The following NAALADL2 variants were observed in gnomAD, a reference collection of about 807,000 sequenced individuals.
NAALADL2 encodes N-acetylated alpha-linked acidic dipeptidase like 2.
In NAALADL2, 76 loss-of-function variants were observed where a neutral mutation model predicts 87.2. The observed-to-expected ratio is 0.87, with a 90% confidence interval of 0.72 to 1.05. The LOEUF is 1.05. Among genes scored for constraint, NAALADL2 ranks in the 50% least tolerant of loss-of-function variants. The probability of loss-of-function intolerance (pLI) is 0.00; values close to 1 mark genes in which losing one functional copy is unlikely to be tolerated. For synonymous variants in NAALADL2, 354 were observed against 331.0 expected (o/e 1.07, Z -0.75); for missense variants, 1,089 against 945.8 (o/e 1.15, Z -1.99).
intron 1 of NAALADL2, among the ~76,000 whole-genome samples, chr3:174,526,908 C>A (rs1306646776): frequency 6.6e-6 from 1 of 151,988 alleles, no homozygotes; most frequent in East Asian, 1.9e-4. Context: ...AACTCCTGAC[C>A]TTAAGTGATC....
At chr3:175,208,552 C>G (rs1741298309) in intron 2 of NAALADL2, among the ~76,000 whole-genome samples, 1 of 152,112 alleles carries the variant, frequency 6.6e-6, no homozygotes, top group African/African-American at 2.4e-5. Flanking sequence ...CTCGATGAGT[C>G]AACTCTGTTA....
chr3:175,201,344 C>T (rs1739994384), intron 2 of NAALADL2, among the ~76,000 whole-genome samples: 1 of 152,088 alleles, frequency 6.6e-6, no homozygotes, highest in South Asian at 2.1e-4. Context: ...GTTATATAAG[C>T]CTTCCCACCC....
chr3:175,223,556 A>G (rs1308083889), intron 2 of NAALADL2, among the ~76,000 whole-genome samples: 1 of 152,110 alleles, frequency 6.6e-6, no homozygotes, highest in Non-Finnish European at 1.5e-5. Flanking sequence ...GGTTGTTTTC[A>G]TATCTTGACT....
intron 9 of NAALADL2, among the ~76,000 whole-genome samples, chr3:175,503,136 T>C (rs187634026): frequency 3.3e-5 from 5 of 152,220 alleles, no homozygotes; most frequent in Admixed American, 3.3e-4. Flanking sequence ...TGTTTGTTCA[T>C]ATGTACTTGA....
At chr3:175,332,781 G>T (rs1761546475) in intron 5 of NAALADL2, among the ~76,000 whole-genome samples, 1 of 152,130 alleles carries the variant, frequency 6.6e-6, no homozygotes, top group South Asian at 2.1e-4. Flanking sequence ...TCCAATGTTT[G>T]TTCATTTTCT....
chr3:175,197,569 T>C (rs2109107188), intron 2 of NAALADL2, among the ~76,000 whole-genome samples: 1 of 152,160 alleles, frequency 6.6e-6, no homozygotes, highest in South Asian at 2.1e-4. Context: ...GGTTGAGAAC[T>C]TCGAGGCACA....
intron 11 of NAALADL2, among the ~76,000 whole-genome samples, chr3:175,630,299 A>G (rs567125893): frequency 6.6e-6 from 1 of 151,892 alleles, no homozygotes; most frequent in Non-Finnish European, 1.5e-5. Flanking sequence ...TTTTAGTTCT[A>G]TCTTGGCTAC....
chr3:175,743,062 G>A (rs541195633), intron 12 of NAALADL2, among the ~76,000 whole-genome samples: 31 of 151,592 alleles, frequency 2.0e-4, no homozygotes, highest in Admixed American at 1.3e-3. Flanking sequence ...GTGGTGCTGC[G>A]CGATCTCCGC....
chr3:175,078,425 A>T (rs79597812), intron 1 of NAALADL2, among the ~76,000 whole-genome samples: 1 of 152,160 alleles, frequency 6.6e-6, no homozygotes, highest in Admixed American at 6.6e-5. Context: ...AATTATTTAG[A>T]TATAAATTAA....
intron 9 of NAALADL2, among the ~76,000 whole-genome samples, chr3:175,529,937 A>G (rs560424144): frequency 4.4e-4 from 67 of 152,244 alleles, no homozygotes; most frequent in African/African-American, 1.5e-3. Flanking sequence ...TCAACCTGGC[A>G]CCAGGTAGCT....
intron 13 of NAALADL2, among the ~76,000 whole-genome samples, chr3:175,772,892 C>T (rs774362003): frequency 2.0e-5 from 3 of 152,036 alleles, no homozygotes; most frequent in Admixed American, 6.6e-5. Flanking sequence ...AGTGTTTCTC[C>T]GTGCCTTAGA....
intron 3 of NAALADL2, among the ~76,000 whole-genome samples, chr3:174,805,728 A>G (rs1340204118): frequency 6.6e-6 from 1 of 152,156 alleles, no homozygotes; most frequent in African/African-American, 2.4e-5. Flanking sequence ...TGGAGAACCC[A>G]ATGAATTATT....
intron 5 of NAALADL2, among the ~76,000 whole-genome samples, chr3:175,409,612 T>A (rs1305067320): frequency 6.6e-6 from 1 of 151,358 alleles, no homozygotes; most frequent in Non-Finnish European, 1.5e-5. Flanking sequence ...AAGGAAAACA[T>A]TTTTTTTACC....
intron 1 of NAALADL2, among the ~76,000 whole-genome samples, chr3:175,021,632 A>G (rs1751573998): frequency 6.6e-6 from 1 of 152,016 alleles, no homozygotes; most frequent in Admixed American, 6.6e-5. Context: ...TCTTACCCTC[A>G]TTTGCAATCT....
At chr3:175,174,920 C>A (rs911023169) in intron 2 of NAALADL2, among the ~76,000 whole-genome samples, 3 of 151,748 alleles carry the variant, frequency 2.0e-5, no homozygotes, top group African/African-American at 2.4e-5. Context: ...TAACTTTTGA[C>A]CATTAATCTT....
At chr3:175,127,686 A>G (rs550128668) in intron 2 of NAALADL2, among the ~76,000 whole-genome samples, 5 of 148,960 alleles carry the variant, frequency 3.4e-5, no homozygotes, top group Non-Finnish European at 6.0e-5. Context: ...AATTTCAGTT[A>G]ACACTATTTA....
rs570474806 is a variant in NAALADL2, at chr3:175,534,902, TA to T, written c.1654-41126del. 2.9e-3 allele frequency among the ~76,000 whole-genome samples: 407 copies of T among 142,114 alleles called. 1 individual carries two copies. The highest frequency in any genetic ancestry group is 0.015 in the East Asian group (74 of 4,940). 93.2% of individuals were successfully genotyped at this position (142,114 alleles called of 152,430 possible). A position where few individuals can be genotyped will look rare whatever the true frequency, so the allele number is the denominator to read the frequency against. On this transcript the variant is annotated intron_variant, in intron 9 of 13. Coordinates refer to ENST00000454872, the MANE Select transcript of NAALADL2 (RefSeq NM_207015.3). ...CCTTTCTTTCTTTGTTCACACTGTT[TA>T]AAAAAAAAAAAAGAACATATCCTTT...
At chr3:174,606,359 A>T (rs1719061734) in intron 2 of NAALADL2, among the ~76,000 whole-genome samples, 1 of 152,242 alleles carries the variant, frequency 6.6e-6, no homozygotes, top group South Asian at 2.1e-4. Flanking sequence ...GCTTCAGACG[A>T]TCAAACTACT....
chr3:174,579,036 A>T (rs1715862080), intron 2 of NAALADL2, among the ~76,000 whole-genome samples: 2 of 152,030 alleles, frequency 1.3e-5, no homozygotes, highest in South Asian at 4.1e-4. Flanking sequence ...GGAAATAAGA[A>T]TAAAAATCAC....
Sources: allele counts gnomAD v4.1 joint callset (sites outside exome capture counted in the v4.1 genomes callset), GRCh38; gene constraint gnomAD v4.1.1; transcripts MANE v1.5; gene names NCBI Gene and HGNC (gene_info 2026-07-23, HGNC 2026-07-21).